Variants in THSD4 observed in about 807,000 individuals in gnomAD.
The protein encoded by THSD4 is thrombospondin type 1 domain containing 4.
Under a neutral mutation model 119.0 loss-of-function variants are expected in THSD4, and 69 were observed. The observed-to-expected ratio is 0.58, with a 90% CI of 0.48 to 0.71. THSD4 has a LOEUF of 0.71. Among genes scored for constraint, THSD4 ranks in the 30% least tolerant of loss-of-function variants. The probability of loss-of-function intolerance (pLI) is 0.00; values close to 1 mark genes in which losing one functional copy is unlikely to be tolerated. For synonymous variants in THSD4, 524 were observed against 540.4 expected, an observed-to-expected ratio of 0.97 and a Z score of 0.42; for missense variants, 1,393 against 1,391.1, an observed-to-expected ratio of 1.00 and a Z score of -0.02.
intron 4 of THSD4, among the ~76,000 whole-genome samples, chr15:71,217,789 CTTT>C (rs11413853): frequency 2.9e-5 from 4 of 137,754 alleles, no homozygotes; most frequent in African/African-American, 2.7e-5. Context: ...AGGCACTGTT[CTTT>C]TTTTTTTTTT....
At chr15:71,625,424 T>C (rs2050490735) in intron 7 of THSD4, among the ~76,000 whole-genome samples, 1 of 152,188 alleles carries the variant, frequency 6.6e-6, no homozygotes, top group Non-Finnish European at 1.5e-5. Context: ...AAAGAGCTTC[T>C]TGAGGAACTG....
chr15:71,582,310 C>G (rs927463557), intron 7 of THSD4, among the ~76,000 whole-genome samples: 1 of 152,068 alleles, frequency 6.6e-6, no homozygotes, highest in Non-Finnish European at 1.5e-5. Context: ...AGAAGTGCAA[C>G]TGGTTTTTGT....
intron 11 of THSD4, among the ~76,000 whole-genome samples, chr15:71,740,635 T>C (rs952752027): frequency 2.0e-5 from 3 of 152,212 alleles, no homozygotes; most frequent in Non-Finnish European, 2.9e-5. Context: ...CATAACCAAA[T>C]GTTCCAGTTT....
chr15:71,432,646 C>A (rs2046957896), intron 7 of THSD4, among the ~76,000 whole-genome samples: 1 of 151,730 alleles, frequency 6.6e-6, no homozygotes, highest in Non-Finnish European at 1.5e-5. Flanking sequence ...AATGCTAAAG[C>A]TAATTTTAAT....
chr15:71,222,564 A>G (rs1050654711), intron 4 of THSD4, among the ~76,000 whole-genome samples: 2 of 152,226 alleles, frequency 1.3e-5, no homozygotes, highest in African/African-American at 4.8e-5. Context: ...TATGAAAATC[A>G]TGACCCTGTT....
At chr15:71,383,235 T>A (rs2046249626) in intron 6 of THSD4, among the ~76,000 whole-genome samples, 1 of 152,246 alleles carries the variant, frequency 6.6e-6, no homozygotes, top group Non-Finnish European at 1.5e-5. Flanking sequence ...CTGTCCAGCC[T>A]TTGGTAGATT....
chr15:71,498,774 C>T (rs1205880130), intron 7 of THSD4, among the ~76,000 whole-genome samples: 2 of 152,032 alleles, frequency 1.3e-5, no homozygotes, highest in African/African-American at 2.4e-5. Flanking sequence ...TGGCTCACAG[C>T]AGCCTCACCC....
At position 71,782,255 on chromosome 15, in the gene THSD4, G is replaced by GA. The variant is rs951618314; in HGVS notation, c.*4881_*4882insA. 1 of 150,030 alleles carries GA rather than the reference G, an allele frequency of 6.7e-6. No homozygotes were observed. The highest frequency in any genetic ancestry group is 1.5e-5 in the Non-Finnish European group (1 of 67,966). 9.3% of individuals were successfully genotyped at this position (150,030 alleles called of 1,614,324 possible). A position where few individuals can be genotyped will look rare whatever the true frequency, so the allele number is the denominator to read the frequency against. On this transcript the variant is annotated 3_prime_UTR_variant, in exon 18 of 18. Coordinates refer to ENST00000261862, the MANE Select transcript of THSD4 (RefSeq NM_024817.3). ...CATTTCAGCAGATAATGATGGAGGG[G>GA]GGGGGTGTCCATCGTGCTGAGGGTG...
At chr15:71,609,757 C>A (rs1304599855) in intron 7 of THSD4, among the ~76,000 whole-genome samples, 5 of 148,282 alleles carry the variant, frequency 3.4e-5, no homozygotes, top group Non-Finnish European at 7.4e-5. Context: ...GAGGCTGAGG[C>A]AGGAGAATGG....
intron 6 of THSD4, among the ~76,000 whole-genome samples, chr15:71,328,143 C>T (rs2045370790): frequency 6.6e-6 from 1 of 152,152 alleles, no homozygotes; most frequent in South Asian, 2.1e-4. Flanking sequence ...GGTCATGGTC[C>T]CGACTGGGAC....
chr15:71,112,162 G>A (rs1442186034), upstream of THSD4: 3 of 1,613,762 alleles, frequency 1.9e-6, no homozygotes, highest in South Asian at 1.1e-5. Flanking sequence ...TGCAGACGCT[G>A]TGCTGCAGGC....
intron 7 of THSD4, among the ~76,000 whole-genome samples, chr15:71,558,635 AT>A (rs1486933369): frequency 2.6e-5 from 4 of 152,104 alleles, no homozygotes; most frequent in African/African-American, 9.6e-5. Context: ...CATCTGGCTA[AT>A]TTTTTAAAAT....
At chr15:71,147,245 C>A (rs1430470857) in intron 2 of THSD4, among the ~76,000 whole-genome samples, 3 of 152,148 alleles carry the variant, frequency 2.0e-5, no homozygotes, top group Non-Finnish European at 4.4e-5. Flanking sequence ...CTCTCTGTTG[C>A]CCAGGCTGGG....
intron 7 of THSD4, among the ~76,000 whole-genome samples, chr15:71,504,050 G>C (rs1200382896): frequency 2.6e-5 from 4 of 152,200 alleles, no homozygotes; most frequent in African/African-American, 9.7e-5. Context: ...TCCTAGCTTG[G>C]GGAGGAAAGG....
intron 1 of THSD4, among the ~76,000 whole-genome samples, chr15:71,122,032 TC>T (rs1421528745): frequency 1.3e-5 from 2 of 152,176 alleles, no homozygotes; most frequent in Non-Finnish European, 2.9e-5. Flanking sequence ...TTTTGAAGTC[TC>T]ATTACAGGGC....
At chr15:71,742,171 C>A (rs905449812) in intron 11 of THSD4, among the ~76,000 whole-genome samples, 1 of 152,336 alleles carries the variant, frequency 6.6e-6, no homozygotes, top group East Asian at 1.9e-4. Flanking sequence ...TTCTCCAGTC[C>A]TCCCTGGTGG....
At chr15:71,104,700 C>A (rs1352415931) in intron 1 of THSD4, among the ~76,000 whole-genome samples, 1 of 152,136 alleles carries the variant, frequency 6.6e-6, no homozygotes, top group Non-Finnish European at 1.5e-5. Context: ...AAGGTATACA[C>A]TGGTTCGGCC....
Position 71,466,523 on chromosome 15 carries a change from C to T in THSD4, c.1152+54700C>T, listed in dbSNP as rs1426400096. On this transcript the variant is annotated intron_variant, in intron 7 of 17. Coordinates refer to ENST00000261862, the MANE Select transcript of THSD4 (RefSeq NM_024817.3). ...TTTATCTGCTGGTGCCAGGGCAGAA[C>T]CCTCAGGAGCCTTCCTTGAGTCTTC... is the stretch of plus-strand genomic sequence containing the variant. Among the ~76,000 whole-genome samples the T allele has an allele frequency of 2.0e-5, 3 of 152,146 alleles. No homozygotes were observed. In the East Asian group the frequency reaches 5.8e-4, roughly 29 times the overall value.
intron 3 of THSD4, among the ~76,000 whole-genome samples, chr15:71,161,763 T>C (rs947416928): frequency 2.2e-4 from 33 of 152,090 alleles, no homozygotes; most frequent in African/African-American, 7.2e-4. Flanking sequence ...TATTGATAGG[T>C]AAGGTTTTCT....
Sources: gnomAD v4.1 joint callset for allele counts (sites outside exome capture counted in the v4.1 genomes callset) on GRCh38, gnomAD v4.1.1 for gene constraint, MANE v1.5 for transcripts, NCBI Gene and HGNC (gene_info 2026-07-23, HGNC 2026-07-21) for gene names.